KCNK10: variants seen among roughly 807,000 people sequenced by gnomAD.
The protein encoded by KCNK10 is potassium two pore domain channel subfamily K member 10.
A neutral mutation model predicts 47.7 loss-of-function variants in KCNK10; 25 were observed. The ratio of observed to expected loss-of-function variants is 0.52; its 90% CI spans 0.38 to 0.73. The LOEUF (loss-of-function observed/expected upper bound fraction) is 0.73. KCNK10 is among the 30% of genes least tolerant of loss of function. The probability of loss-of-function intolerance (pLI) is 0.00; values close to 1 mark genes in which losing one functional copy is unlikely to be tolerated. For missense variants in KCNK10, 563 were observed against 714.5 expected (o/e 0.79, Z 2.42); for synonymous variants, 303 against 285.6 (o/e 1.06, Z -0.61).
At chr14:88,326,654 C>T, upstream of KCNK10, 4 of 587,810 alleles carry the variant, frequency 6.8e-6, no homozygotes, top group South Asian at 8.3e-5. Context: ...GCCACTGCGT[C>T]CTGGGTGCAC....
chr14:88,219,866 G>A (rs1595087695), intron 4 of KCNK10, among the ~76,000 whole-genome samples: 1 of 152,140 alleles, frequency 6.6e-6, no homozygotes, highest in Non-Finnish European at 1.5e-5. Flanking sequence ...AAGGGATACT[G>A]ATGCCTAAGG....
chr14:88,287,108 C>T (rs1887779051), intron 1 of KCNK10, among the ~76,000 whole-genome samples: 1 of 152,140 alleles, frequency 6.6e-6, no homozygotes, highest in Non-Finnish European at 1.5e-5. Flanking sequence ...AAGCATAGAA[C>T]ATGCCACTAA....
intron 4 of KCNK10, among the ~76,000 whole-genome samples, chr14:88,192,893 A>T (rs998117220): frequency 6.6e-6 from 1 of 152,190 alleles, no homozygotes; most frequent in Non-Finnish European, 1.5e-5. Flanking sequence ...TGGAAAAAAA[A>T]TTATCTGAGT....
At chr14:88,315,374 T>C (rs1010018980) in intron 1 of KCNK10, among the ~76,000 whole-genome samples, 2 of 152,208 alleles carry the variant, frequency 1.3e-5, no homozygotes, top group Non-Finnish European at 2.9e-5. Context: ...ACTTTATTCA[T>C]CTCTAAGCTT....
chr14:88,325,865 G>A (rs1372533096), upstream of KCNK10, among the ~76,000 whole-genome samples: 2 of 151,988 alleles, frequency 1.3e-5, no homozygotes, highest in Non-Finnish European at 2.9e-5. Flanking sequence ...CAGGTTGCAG[G>A]TCCCCATTAA....
chr14:88,301,306 G>A (rs1476891142), intron 1 of KCNK10, among the ~76,000 whole-genome samples: 3 of 152,024 alleles, frequency 2.0e-5, no homozygotes, highest in Non-Finnish European at 2.9e-5. Flanking sequence ...ATCTTGAGTC[G>A]TTGTAGAGCC....
chr14:88,307,224 T>G (rs1036518158), intron 1 of KCNK10, among the ~76,000 whole-genome samples: 1 of 152,132 alleles, frequency 6.6e-6, no homozygotes, highest in African/African-American at 2.4e-5. Context: ...CCAAATGGAC[T>G]AATACAACTG....
chr14:88,268,975 T>TA (rs1333724727), intron 1 of KCNK10, among the ~76,000 whole-genome samples: 1 of 152,080 alleles, frequency 6.6e-6, no homozygotes, highest in Non-Finnish European at 1.5e-5. Flanking sequence ...CCAGCTCTAC[T>TA]AAAAATACAA....
chr14:88,234,716 G>C (rs1886249282), intron 3 of KCNK10, among the ~76,000 whole-genome samples: 1 of 152,170 alleles, frequency 6.6e-6, no homozygotes, highest in Non-Finnish European at 1.5e-5. Context: ...AGTGACTGCT[G>C]GGTGTCTCTC....
rs146670764 is a variant in KCNK10 at position 88,223,890 on chromosome 14, A to C, written c.681+3485T>G. ...TTGGTCTGTACACCCGGCTTAAAAA[A>C]ATGTGTGTGGCTGGGCGTGGTGGCT... On this transcript the variant is annotated intron_variant, in intron 4 of 6. Transcript: ENST00000319231. 6.3e-3 allele frequency among the ~76,000 whole-genome samples: 954 copies of C among 152,240 alleles called. 10 individuals are homozygous for C. The highest frequency in any genetic ancestry group is 0.022 in the African/African-American group (914 of 41,536).
intron 4 of KCNK10, among the ~76,000 whole-genome samples, chr14:88,204,502 C>T (rs56000146): frequency 0.22 from 32,773 of 150,956 alleles, 4,619 homozygotes; most frequent in Non-Finnish European, 0.31. Flanking sequence ...CCTCATGCTG[C>T]CTCCTCCTCC....
chr14:88,218,206 A>C (rs146251676), intron 4 of KCNK10, among the ~76,000 whole-genome samples: 3 of 152,290 alleles, frequency 2.0e-5, no homozygotes, highest in African/African-American at 7.2e-5. Flanking sequence ...GCTGAATGCT[A>C]GCTCAAAGAT....
intron 1 of KCNK10, among the ~76,000 whole-genome samples, chr14:88,306,280 T>C (rs569908308): frequency 6.6e-6 from 1 of 152,292 alleles, no homozygotes; most frequent in South Asian, 2.1e-4. Context: ...CAGCTAATTA[T>C]CTGATTCAGG....
At chr14:88,300,433 G>T (rs1888069417) in intron 1 of KCNK10, among the ~76,000 whole-genome samples, 1 of 152,212 alleles carries the variant, frequency 6.6e-6, no homozygotes, top group Non-Finnish European at 1.5e-5. Context: ...TGTCCTTGAT[G>T]TTGTGTGAGG....
chr14:88,210,916 T>C (rs1193095684), intron 4 of KCNK10, among the ~76,000 whole-genome samples: 1 of 150,776 alleles, frequency 6.6e-6, no homozygotes, highest in Admixed American at 6.6e-5. Flanking sequence ...GAATGTGAAA[T>C]GGTGCAGCCA....
intron 1 of KCNK10, among the ~76,000 whole-genome samples, chr14:88,293,329 G>A (rs986628446): frequency 1.3e-5 from 2 of 152,098 alleles, no homozygotes; most frequent in Non-Finnish European, 2.9e-5. Flanking sequence ...TTCCCACTCA[G>A]ATATTAACAG....
At chr14:88,216,357 T>A (rs1269775957) in intron 4 of KCNK10, among the ~76,000 whole-genome samples, 1 of 152,156 alleles carries the variant, frequency 6.6e-6, no homozygotes, top group Non-Finnish European at 1.5e-5. Context: ...ATAGCTATGG[T>A]CAAATTAACT....
rs1884651754 is a variant in KCNK10, at chr14:88,188,750, A to G, written c.869-641T>C. Among the ~76,000 whole-genome samples the G allele has an allele frequency of 2.0e-5, 3 of 152,240 alleles. No individual in the cohort carries two copies. In the South Asian group the frequency reaches 6.2e-4, roughly 31 times the overall value. On this transcript the variant is annotated intron_variant, in intron 5 of 6. Coordinates refer to ENST00000319231, the MANE Select transcript of KCNK10 (RefSeq NM_138317.3). ...AGAACTAAAAGGGACCTTTGAGGCC[A>G]ATCCCTTTATTTTATAAATAAGGAT...
intron 2 of KCNK10, among the ~76,000 whole-genome samples, chr14:88,262,762 A>G (rs1887146068): frequency 6.6e-6 from 1 of 152,186 alleles, no homozygotes; most frequent in Non-Finnish European, 1.5e-5. Context: ...CTTCACCCAC[A>G]TACCTGGTGG....
Sources: allele counts gnomAD v4.1 joint callset (sites outside exome capture counted in the v4.1 genomes callset), GRCh38; gene constraint gnomAD v4.1.1; transcripts MANE v1.5; gene names NCBI Gene and HGNC (gene_info 2026-07-23, HGNC 2026-07-21).